ICA1: variants seen among roughly 807,000 people sequenced by gnomAD.
ICA1 encodes the protein islet cell autoantigen 1.
Under a neutral mutation model 71.0 loss-of-function variants are expected in ICA1, and 40 were observed. The ratio of observed to expected loss-of-function variants is 0.56; its 90% confidence interval spans 0.44 to 0.73. The LOEUF is 0.73. ICA1 is among the 30% of genes least tolerant of loss of function. The pLI is 0.00. For missense variants in ICA1, 578 were observed against 576.5 expected (o/e 1.00, Z -0.03); for synonymous variants, 207 against 209.5 (o/e 0.99, Z 0.10).
intron 6 of ICA1, among the ~76,000 whole-genome samples, chr7:8,197,638 A>C (rs2128318541): frequency 6.6e-6 from 1 of 150,402 alleles, no homozygotes; most frequent in South Asian, 2.1e-4. Flanking sequence ...ATTAAAGATG[A>C]AGGGTGGAAG....
intron 6 of ICA1, among the ~76,000 whole-genome samples, chr7:8,200,953 T>C (rs2128330142): frequency 6.6e-6 from 1 of 152,356 alleles, no homozygotes; most frequent in Admixed American, 6.5e-5. Context: ...CTTTTACCAC[T>C]GCTCTATTCT....
At chr7:8,199,657 T>C (rs1171999368) in intron 6 of ICA1, among the ~76,000 whole-genome samples, 3 of 152,172 alleles carry the variant, frequency 2.0e-5, no homozygotes, top group African/African-American at 7.2e-5. Context: ...GAGGTTGCAG[T>C]GAGCCAAGAT....
chr7:8,114,772 T>C (rs1466178359), intron 13 of ICA1: 1 of 152,264 alleles, frequency 6.6e-6, no homozygotes, highest in Non-Finnish European at 1.5e-5. Context: ...CTCATGCAAG[T>C]GATTTCTAAA....
intron 6 of ICA1, among the ~76,000 whole-genome samples, chr7:8,177,961 C>T (rs1235502947): frequency 6.6e-6 from 1 of 152,184 alleles, no homozygotes; most frequent in African/African-American, 2.4e-5. Context: ...TTCAGCAGTT[C>T]CCAGACATCC....
chr7:8,136,157 T>C (rs6945305), intron 12 of ICA1, among the ~76,000 whole-genome samples: 142,205 of 152,220 alleles, frequency 0.93, 66,474 homozygotes, highest in Middle Eastern at 0.96. Context: ...TGGGGGTGAT[T>C]TTCTGGGCAA....
chr7:8,127,400 G>T (rs1262957138), intron 13 of ICA1, among the ~76,000 whole-genome samples: 1 of 152,126 alleles, frequency 6.6e-6, no homozygotes, highest in Non-Finnish European at 1.5e-5. Flanking sequence ...CTAGTGGGGG[G>T]TCCTCAGGGG....
At chr7:8,152,807 C>CACA (rs1799829630) in intron 8 of ICA1, among the ~76,000 whole-genome samples, 1 of 148,602 alleles carries the variant, frequency 6.7e-6, no homozygotes. Context: ...CCACCACCAC[C>CACA]ACCACCATCT....
At chr7:8,209,026 G>A (rs1205509668) in intron 6 of ICA1, among the ~76,000 whole-genome samples, 3 of 152,150 alleles carry the variant, frequency 2.0e-5, no homozygotes, top group East Asian at 3.8e-4. Context: ...AATTCTAGAA[G>A]CCAAGCTTGC....
intron 1 of ICA1, among the ~76,000 whole-genome samples, chr7:8,259,002 A>T (rs74504387): frequency 0.042 from 6,413 of 152,252 alleles, 272 homozygotes; most frequent in African/African-American, 0.11. Flanking sequence ...CTCATTTTAG[A>T]GTAGTGTGCT....
chr7:8,182,759 T>C (rs758547555), intron 6 of ICA1, among the ~76,000 whole-genome samples: 1 of 152,246 alleles, frequency 6.6e-6, no homozygotes, highest in Non-Finnish European at 1.5e-5. Context: ...TATTTTTGTA[T>C]TGTATGTTAC....
At chr7:8,176,535 C>T (rs1274188877) in intron 6 of ICA1, among the ~76,000 whole-genome samples, 1 of 152,158 alleles carries the variant, frequency 6.6e-6, no homozygotes, top group African/African-American at 2.4e-5. Flanking sequence ...GGGGAAACCA[C>T]AGCACTCAAT....
chr7:8,176,646 G>T (rs571848484), intron 6 of ICA1, among the ~76,000 whole-genome samples: 1 of 152,234 alleles, frequency 6.6e-6, no homozygotes, highest in East Asian at 1.9e-4. Context: ...CACTCCTCAG[G>T]CCTTGCTTTT....
chr7:8,127,523 A>C (rs1274533272), intron 13 of ICA1, among the ~76,000 whole-genome samples: 2 of 152,148 alleles, frequency 1.3e-5, no homozygotes, highest in African/African-American at 2.4e-5. Flanking sequence ...GGGCATGCTT[A>C]TGGGAACGTG....
At chr7:8,201,535 C>T (rs1406013020) in intron 6 of ICA1, among the ~76,000 whole-genome samples, 2 of 152,180 alleles carry the variant, frequency 1.3e-5, no homozygotes, top group Non-Finnish European at 2.9e-5. Flanking sequence ...TGAGCTGCCC[C>T]ACCGCCTGTT....
At chr7:8,152,822 CA>C (rs1799879760) in intron 8 of ICA1, among the ~76,000 whole-genome samples, 1 of 147,652 alleles carries the variant, frequency 6.8e-6, no homozygotes, top group African/African-American at 2.5e-5. Flanking sequence ...CCATCTCCTT[CA>C]ACACCACTAC....
At chr7:8,139,955 T>C (rs1261565598) in intron 10 of ICA1, among the ~76,000 whole-genome samples, 8 of 152,234 alleles carry the variant, frequency 5.3e-5, no homozygotes, top group South Asian at 2.1e-4. Flanking sequence ...TTCATTATAA[T>C]GGATTTTATT....
rs1303651519 is a variant in ICA1, at chr7:8,232,617, A to G, written c.156T>C (p.Ser52=). Residue 52 remains serine (S), a synonymous_variant, in exon 3 of 14, where the codon TCT becomes TCC. Transcript: ENST00000402384. Reference sequence around the variant, plus strand: ...CTAGCTTGGCATCCAGGTCCGCGTCAGAGGCAACAACATGTTCATCTTCCT... The same window carrying G: ...CTAGCTTGGCATCCAGGTCCGCGTCGGAGGCAACAACATGTTCATCTTCCT... ...GKKEDEHVVA[S]DADLDAKLEL... is the part of the protein sequence containing the mutation. 6.2e-7 allele frequency: 1 copy of G among 1,612,900 alleles called. No individual in the cohort carries two copies.
At chr7:8,219,495 A>ATTC (rs1017138387) in intron 5 of ICA1, among the ~76,000 whole-genome samples, 3 of 152,252 alleles carry the variant, frequency 2.0e-5, no homozygotes, top group Admixed American at 1.3e-4. Context: ...TGGTGCAATG[A>ATTC]ACTATTTAAG....
rs535389576 is a variant in ICA1 at position 8,173,138 on chromosome 7, G to A, written c.580-14486C>T. Among the ~76,000 whole-genome samples the A allele has an allele frequency of 1.3e-5, 2 of 152,270 alleles. No homozygotes were observed. The highest frequency in any genetic ancestry group is 3.9e-4 in the East Asian group (2 of 5,180). On this transcript the variant is annotated intron_variant, in intron 6 of 13. Coordinates refer to ENST00000402384, the MANE Select transcript of ICA1 (RefSeq NM_001136020.3). The surrounding 1 kb of genome is among the most constrained non-coding windows in gnomAD (Gnocchi z 4.0). ...TAACGGCTAACTTAGAAGCAATGAG[G>A]TCACGGCCTCTGACTATCATGTCCC...
Sources: allele counts gnomAD v4.1 joint callset (sites outside exome capture counted in the v4.1 genomes callset), GRCh38; gene constraint gnomAD v4.1.1; non-coding constraint Gnocchi (gnomAD v3.1); transcripts MANE v1.5; gene names NCBI Gene and HGNC (gene_info 2026-07-23, HGNC 2026-07-21).